The following WDPCP variants were observed in gnomAD, a reference collection of about 807,000 sequenced individuals.
WDPCP encodes WD repeat containing planar cell polarity effector, also known as WD repeat-containing and planar cell polarity effector protein fritz homolog.
In WDPCP, 71 loss-of-function variants were observed where a neutral mutation model predicts 93.1. The observed-to-expected ratio is 0.76, with a 90% CI of 0.63 to 0.93. The LOEUF is 0.93. Ranked by LOEUF, WDPCP falls within the 40% of genes least tolerant of loss-of-function variation. WDPCP has a pLI of 0.00. For synonymous variants in WDPCP, 315 were observed against 315.0 expected (o/e 1.00, Z 0.00); for missense variants, 844 against 887.4 (o/e 0.95, Z 0.62).
chr2:63,589,411 T>A, upstream of WDPCP: 1 of 1,544,248 alleles, frequency 6.5e-7, no homozygotes, highest in Non-Finnish European at 8.8e-7. Flanking sequence ...AAAGGTTGGG[T>A]CCTAACCCCT....
At chr2:63,758,382 G>A (rs1670000433) in intron 2 of WDPCP, among the ~76,000 whole-genome samples, 1 of 152,086 alleles carries the variant, frequency 6.6e-6, no homozygotes, top group Non-Finnish European at 1.5e-5. Context: ...TGACTGCTTA[G>A]CTTTTAATTT....
At chr2:63,556,817 C>G (rs1286155063) in intron 1 of WDPCP, among the ~76,000 whole-genome samples, 5 of 152,190 alleles carry the variant, frequency 3.3e-5, no homozygotes, top group Admixed American at 3.3e-4. Context: ...AACAGCAGAC[C>G]TCTCAGCAGA....
chr2:63,511,159 G>T (rs550119526), intron 1 of WDPCP, among the ~76,000 whole-genome samples: 7 of 152,196 alleles, frequency 4.6e-5, no homozygotes, highest in African/African-American at 1.4e-4. Context: ...GCTACAAAGA[G>T]AATAAAATAC....
At chr2:63,261,156 T>C (rs1209459106) in intron 13 of WDPCP, among the ~76,000 whole-genome samples, 2 of 150,636 alleles carry the variant, frequency 1.3e-5, no homozygotes, top group Non-Finnish European at 2.9e-5. Flanking sequence ...CATCACATAC[T>C]TCCTGCACTG....
the WDPCP span, among the ~76,000 whole-genome samples, chr2:63,833,974 T>TACAC: frequency 8.0e-5 from 12 of 149,886 alleles, no homozygotes; most frequent in South Asian, 2.1e-4. Flanking sequence ...TATGCCAACA[T>TACAC]ACACACACAC....
intron 1 of WDPCP, among the ~76,000 whole-genome samples, chr2:63,561,409 C>T (rs1413671688): frequency 2.6e-5 from 4 of 151,466 alleles, no homozygotes; most frequent in Admixed American, 6.6e-5. Flanking sequence ...ACCCGGGAGG[C>T]GGAGGTTACA....
chr2:63,809,121 G>A (rs1340055557), intron 2 of WDPCP, among the ~76,000 whole-genome samples: 52 of 150,802 alleles, frequency 3.4e-4, no homozygotes, highest in Admixed American at 3.2e-3. Flanking sequence ...GCCCTGTCTG[G>A]GAAGTGAGGA....
At chr2:63,397,513 AT>A (rs1693825846) in intron 10 of WDPCP, among the ~76,000 whole-genome samples, 1 of 152,142 alleles carries the variant, frequency 6.6e-6, no homozygotes, top group African/African-American at 2.4e-5. Context: ...AAAATAAAGT[AT>A]AAACCTGCAC....
At chr2:63,785,712 T>C (rs1006635220) in intron 2 of WDPCP, among the ~76,000 whole-genome samples, 1 of 152,168 alleles carries the variant, frequency 6.6e-6, no homozygotes, top group African/African-American at 2.4e-5. Context: ...ACCACTACAA[T>C]TTTCTTAGAT....
rs372819279 is a variant in WDPCP, at chr2:63,391,476, C to T, written c.1436-9382G>A. Among the ~76,000 whole-genome samples, 10 of 152,128 alleles carry T rather than the reference C, an allele frequency of 6.6e-5. No individual in the cohort carries two copies. The East Asian group carries it at 7.7e-4, about 12-fold the overall frequency. On this transcript the variant is annotated intron_variant, in intron 10 of 17. Transcript: ENST00000272321. The stretch of plus-strand genomic sequence containing the variant: ...AACGGGAAGCATTCCCTTTGAAAAC[C>T]GGCACGAGACAAGGATGCCCTCTCT...
At chr2:63,799,242 T>A (rs1463831778) in intron 2 of WDPCP, among the ~76,000 whole-genome samples, 2 of 152,176 alleles carry the variant, frequency 1.3e-5, no homozygotes, top group Non-Finnish European at 2.9e-5. Context: ...TTAGGAAGGA[T>A]CACCAATATC....
chr2:63,384,183 A>G (rs1028505018), intron 10 of WDPCP, among the ~76,000 whole-genome samples: 8 of 152,172 alleles, frequency 5.3e-5, no homozygotes, highest in African/African-American at 1.9e-4. Context: ...AAGACAGTAA[A>G]TAGTAAATAA....
intron 2 of WDPCP, among the ~76,000 whole-genome samples, chr2:63,652,789 G>C (rs1400546141): frequency 1.3e-5 from 2 of 151,776 alleles, no homozygotes; most frequent in Non-Finnish European, 2.9e-5. Context: ...ACTCAGTGTG[G>C]GCCATTGATC....
At chr2:63,700,239 T>G (rs1180409986) in intron 2 of WDPCP, among the ~76,000 whole-genome samples, 10 of 127,652 alleles carry the variant, frequency 7.8e-5, no homozygotes, top group Non-Finnish European at 1.1e-4. Context: ...GCCACGATCG[T>G]GCCACTGTAC....
At chr2:63,558,279 C>T (rs1706288437) in intron 1 of WDPCP, among the ~76,000 whole-genome samples, 1 of 151,960 alleles carries the variant, frequency 6.6e-6, no homozygotes, top group African/African-American at 2.4e-5. Flanking sequence ...TCTGTAATCC[C>T]AGCACTTTGG....
At chr2:63,741,521 G>A (rs2034802) in intron 2 of WDPCP, among the ~76,000 whole-genome samples, 8,089 of 151,956 alleles carry the variant, frequency 0.053, 807 homozygotes, top group East Asian at 0.48. Flanking sequence ...TGCCTACTTT[G>A]AATGATTTCT....
intron 9 of WDPCP, among the ~76,000 whole-genome samples, chr2:63,418,084 ACTTT>A (rs905736384): frequency 3.3e-5 from 5 of 152,184 alleles, no homozygotes; most frequent in Non-Finnish European, 7.4e-5. Context: ...TAGCTATAAG[ACTTT>A]CTGTTAGCAG....
At chr2:63,400,470 A>C (rs766997374) in intron 10 of WDPCP, among the ~76,000 whole-genome samples, 4 of 152,230 alleles carry the variant, frequency 2.6e-5, no homozygotes, top group Non-Finnish European at 5.9e-5. Context: ...AAATATTTGT[A>C]AACTGTATAT....
intron 2 of WDPCP, among the ~76,000 whole-genome samples, chr2:63,700,450 G>A (rs1669031429): frequency 6.6e-6 from 1 of 152,086 alleles, no homozygotes; most frequent in South Asian, 2.1e-4. Flanking sequence ...GCACAGACAT[G>A]GTGAGTGAGA....
Sources: allele counts gnomAD v4.1 joint callset (sites outside exome capture counted in the v4.1 genomes callset), GRCh38; gene constraint gnomAD v4.1.1; transcripts MANE v1.5; gene names NCBI Gene and HGNC (gene_info 2026-07-23, HGNC 2026-07-21).